Variants in PPARGC1A observed in about 807,000 individuals in gnomAD.
PPARGC1A encodes the protein peroxisome proliferator-activated receptor gamma coactivator 1-alpha.
Under a neutral mutation model 88.7 loss-of-function variants are expected in PPARGC1A, and 25 were observed. The observed-to-expected ratio is 0.28, with a 90% confidence interval of 0.21 to 0.39. The LOEUF is 0.39. Among genes scored for constraint, PPARGC1A ranks in the 10% least tolerant of loss-of-function variants. The pLI, the probability that PPARGC1A is intolerant of heterozygous loss-of-function variation, is 1.00. For missense variants in PPARGC1A, 880 were observed against 968.7 expected, an observed-to-expected ratio of 0.91 and a Z score of 1.22; for synonymous variants, 363 against 355.6, an observed-to-expected ratio of 1.02 and a Z score of -0.24.
the PPARGC1A span, among the ~76,000 whole-genome samples, chr4:24,329,179 T>C: frequency 3.3e-5 from 5 of 151,928 alleles, no homozygotes; most frequent in Non-Finnish European, 7.4e-5. Context: ...TGATTGGGGA[T>C]AAATGGCAAC....
upstream of PPARGC1A, among the ~76,000 whole-genome samples, chr4:23,907,366 A>G (rs550769636): frequency 2.0e-4 from 31 of 152,336 alleles, no homozygotes; most frequent in African/African-American, 7.0e-4. Context: ...GTAAGAAAGC[A>G]TTAAGTTTAC....
chr4:23,895,114 C>T (rs1457158732), intron 1 of PPARGC1A, among the ~76,000 whole-genome samples: 2 of 127,932 alleles, frequency 1.6e-5, no homozygotes, highest in African/African-American at 3.0e-5. Context: ...ACTAGCTGAA[C>T]TTAGTAAGTG....
At chr4:23,913,485 C>T in the PPARGC1A span, among the ~76,000 whole-genome samples, 1 of 151,822 alleles carries the variant, frequency 6.6e-6, no homozygotes, top group African/African-American at 2.4e-5. Context: ...GAGGCCCTTC[C>T]ATAGTAGTAG....
the PPARGC1A span, among the ~76,000 whole-genome samples, chr4:24,119,958 A>G: frequency 2.0e-5 from 3 of 152,160 alleles, no homozygotes; most frequent in Admixed American, 6.5e-5. Context: ...TATCCCTGGG[A>G]GAGATGATGC....
chr4:23,795,655 ATTG>A lies in PPARGC1A; in HGVS notation c.*164_*166del, dbSNP rs898656450. Reference sequence around the variant, plus strand: ...TGTGTTCATGTAAACCATTGTTGTTATTGTTGTTGTTGTTCTTGTTGTATTGTT... The same window carrying A: ...TGTGTTCATGTAAACCATTGTTGTTATTGTTGTTGTTCTTGTTGTATTGTT... On this transcript the variant is annotated 3_prime_UTR_variant, in exon 13 of 13. Transcript: ENST00000264867. The A allele has an allele frequency of 8.0e-5, 45 of 560,064 alleles. No homozygotes were observed. The highest frequency in any genetic ancestry group is 1.1e-4 in the Non-Finnish European group (35 of 320,464). 34.7% of individuals were successfully genotyped at this position (560,064 alleles called of 1,614,324 possible).
chr4:23,795,671 T>C lies in PPARGC1A; in HGVS notation c.*151A>G. On this transcript the variant is annotated 3_prime_UTR_variant, in exon 13 of 13. Transcript: ENST00000264867. ...ATTGTTGTTATTGTTGTTGTTGTTC[T>C]TGTTGTATTGTTGTTGTTTTGTTTT... 1 of 574,794 alleles carries C rather than the reference T, an allele frequency of 1.7e-6. No individual in the cohort carries two copies. Among genetic ancestry groups the C allele is most frequent in the Non-Finnish European group, 3.0e-6 (1 of 331,574 alleles). The allele number at this position is 574,794 out of a possible 1,614,324, so 35.6% of individuals were successfully genotyped here.
At chr4:24,327,631 C>A in the PPARGC1A span, among the ~76,000 whole-genome samples, 1 of 151,928 alleles carries the variant, frequency 6.6e-6, no homozygotes, top group Non-Finnish European at 1.5e-5. Context: ...CACAATATCA[C>A]CTCTTACCAC....
chr4:24,134,061 G>A, the PPARGC1A span, among the ~76,000 whole-genome samples: 53 of 152,236 alleles, frequency 3.5e-4, 1 homozygote, highest in African/African-American at 8.9e-4. Context: ...TATTGTTACC[G>A]GCTAACATCA....
the PPARGC1A span, among the ~76,000 whole-genome samples, chr4:24,012,571 T>C: frequency 9.2e-5 from 14 of 151,960 alleles, no homozygotes; most frequent in Non-Finnish European, 1.6e-4. Flanking sequence ...TTCATAACAC[T>C]TTCCAGATCT....
At chr4:24,405,517 G>A in the PPARGC1A span, among the ~76,000 whole-genome samples, 2 of 152,188 alleles carry the variant, frequency 1.3e-5, no homozygotes. Flanking sequence ...GGGAAAATCT[G>A]TTCTATAATC....
At chr4:23,958,644 C>T in the PPARGC1A span, among the ~76,000 whole-genome samples, 1 of 151,994 alleles carries the variant, frequency 6.6e-6, no homozygotes, top group Non-Finnish European at 1.5e-5. Context: ...TGTTTGTGAG[C>T]ATAACTCATT....
At chr4:24,198,027 T>C in the PPARGC1A span, among the ~76,000 whole-genome samples, 3 of 152,158 alleles carry the variant, frequency 2.0e-5, no homozygotes, top group African/African-American at 7.2e-5. Context: ...ATTCCAACTG[T>C]CCTCAAATTC....
At chr4:24,435,586 C>T in the PPARGC1A span, among the ~76,000 whole-genome samples, 2 of 152,278 alleles carry the variant, frequency 1.3e-5, 1 homozygote, top group East Asian at 3.9e-4. Flanking sequence ...ATTGCAAGCT[C>T]CAGAAAGGTG....
At chr4:24,024,468 G>A in the PPARGC1A span, among the ~76,000 whole-genome samples, 9 of 152,274 alleles carry the variant, frequency 5.9e-5, no homozygotes, top group Admixed American at 5.9e-4. Flanking sequence ...CTGTCTGCCT[G>A]TATTGTCCTA....
the PPARGC1A span, among the ~76,000 whole-genome samples, chr4:24,277,339 G>A: frequency 1.3e-5 from 2 of 152,128 alleles, no homozygotes; most frequent in Non-Finnish European, 2.9e-5. Context: ...CCTGACAGAT[G>A]AGCCCCTTCT....
At chr4:24,043,755 A>G in the PPARGC1A span, among the ~76,000 whole-genome samples, 1 of 152,194 alleles carries the variant, frequency 6.6e-6, no homozygotes, top group Non-Finnish European at 1.5e-5. Context: ...TGTATATACA[A>G]CATACTTAAA....
At chr4:24,151,875 C>A in the PPARGC1A span, among the ~76,000 whole-genome samples, 3 of 152,130 alleles carry the variant, frequency 2.0e-5, no homozygotes, top group Non-Finnish European at 4.4e-5. Context: ...TAGGCAGAAA[C>A]AAATAAATAA....
At chr4:24,440,793 C>T in the PPARGC1A span, among the ~76,000 whole-genome samples, 1 of 151,408 alleles carries the variant, frequency 6.6e-6, no homozygotes, top group Non-Finnish European at 1.5e-5. Context: ...CAGAGTAAGA[C>T]TCTGTCAAAA....
chr4:24,002,725 AT>A, the PPARGC1A span, among the ~76,000 whole-genome samples: 1 of 152,104 alleles, frequency 6.6e-6, no homozygotes, highest in African/African-American at 2.4e-5. Context: ...GAACCTCAAG[AT>A]AAAGGACCAG....
Sources: gnomAD v4.1 joint callset for allele counts (sites outside exome capture counted in the v4.1 genomes callset) on GRCh38, gnomAD v4.1.1 for gene constraint, MANE v1.5 for transcripts, NCBI Gene and HGNC (gene_info 2026-07-23, HGNC 2026-07-21) for gene names.